Variants in DNAH12 observed in about 807,000 individuals in gnomAD.
The protein encoded by DNAH12 is dynein axonemal heavy chain 12, also known as axonemal beta dynein heavy chain 12.
A neutral mutation model predicts 371.5 loss-of-function variants in DNAH12; 285 were observed. The ratio of observed to expected loss-of-function variants is 0.77; its 90% CI spans 0.70 to 0.85. DNAH12 has a LOEUF of 0.85. DNAH12 is among the 40% of genes least tolerant of loss of function. The pLI, the probability that DNAH12 is intolerant of heterozygous loss-of-function variation, is 0.00. For synonymous variants in DNAH12, 1,200 were observed against 1,213.0 expected, an observed-to-expected ratio of 0.99 and a Z score of 0.22; for missense variants, 3,611 against 3,689.4, an observed-to-expected ratio of 0.98 and a Z score of 0.55.
intron 16 of DNAH12, among the ~76,000 whole-genome samples, chr3:57,469,384 G>C: frequency 6.6e-6 from 1 of 152,174 alleles, no homozygotes; most frequent in East Asian, 1.9e-4. Context: ...CTATTGATGG[G>C]ACTGTAAATT....
At chr3:57,356,880 T>C (rs2062813527) in intron 59 of DNAH12, among the ~76,000 whole-genome samples, 1 of 151,936 alleles carries the variant, frequency 6.6e-6, no homozygotes. Context: ...GTAGCTGGGA[T>C]TACAGGTGCC....
At position 57,542,838 on chromosome 3, in the gene DNAH12, T is replaced by A; in HGVS notation, c.33A>T (p.Ala11=). The change falls in exon 2 of 74, where the codon GCA becomes GCT. Residue 11 remains alanine (A), a synonymous_variant. Coordinates refer to ENST00000495027, the MANE Select transcript of DNAH12 (RefSeq NM_001366028.2). MSDANKAAIA[A]EKEALNLKLP... ...ACTTCAAGTTCAGAGCTTCCTTTTCTGCTGCAATGGCAGCTTTGTTTGCAT... is the reference window on the plus strand; with the variant it reads ...ACTTCAAGTTCAGAGCTTCCTTTTCAGCTGCAATGGCAGCTTTGTTTGCAT... 1 of 1,601,092 alleles carries A rather than the reference T, an allele frequency of 6.2e-7. No individual in the cohort carries two copies. Among genetic ancestry groups the A allele is most frequent in the Non-Finnish European group, 8.5e-7 (1 of 1,176,234 alleles).
intron 70 of DNAH12, chr3:57,297,240 G>A (rs1437823170): frequency 2.2e-6 from 1 of 462,160 alleles, no homozygotes; most frequent in African/African-American, 2.0e-5. Flanking sequence ...TTCTGCAAAA[G>A]CCAAATGTAA....
intron 12 of DNAH12, among the ~76,000 whole-genome samples, chr3:57,484,766 G>A (rs2066867976): frequency 6.6e-6 from 1 of 152,112 alleles, no homozygotes; most frequent in Non-Finnish European, 1.5e-5. Context: ...CACAGAGTGG[G>A]AGAAAATATT....
At chr3:57,390,994 C>T (rs1205338568) in intron 45 of DNAH12, among the ~76,000 whole-genome samples, 1 of 152,150 alleles carries the variant, frequency 6.6e-6, no homozygotes, top group Non-Finnish European at 1.5e-5. Context: ...AAATGCCAGC[C>T]AGCTATACCA....
intron 62 of DNAH12, among the ~76,000 whole-genome samples, chr3:57,333,956 C>T (rs1487675098): frequency 1.3e-5 from 2 of 152,044 alleles, no homozygotes; most frequent in African/African-American, 4.8e-5. Flanking sequence ...CTGTGTTCAA[C>T]TATTTAAAAG....
chr3:57,488,474 G>A (rs780508050), intron 12 of DNAH12, among the ~76,000 whole-genome samples: 4 of 152,128 alleles, frequency 2.6e-5, no homozygotes, highest in Non-Finnish European at 5.9e-5. Flanking sequence ...TTACAGGCAT[G>A]AGCCACCGTG....
At position 57,325,865 on chromosome 3, in the gene DNAH12, G is replaced by C. The variant is rs147280209; in HGVS notation, c.9979-2246C>G. ...TAATTAGAACAACCAATACAGAGAA[G>C]TGCTTAAAGGAGCTGATGGAGCTGA... On this transcript the variant is annotated intron_variant, in intron 62 of 73. Coordinates refer to ENST00000495027, the MANE Select transcript of DNAH12 (RefSeq NM_001366028.2). 1.8e-4 allele frequency among the ~76,000 whole-genome samples: 28 copies of C among 152,318 alleles called. No individual in the cohort carries two copies. In the East Asian group the frequency reaches 5.2e-3, roughly 28 times the overall value.
Position 57,446,022 on chromosome 3 carries a change from T to C in DNAH12, c.4179+9A>G. On this transcript the variant is annotated intron_variant, in intron 27 of 73. Coordinates refer to ENST00000495027, the MANE Select transcript of DNAH12 (RefSeq NM_001366028.2). ...ATAAATAAATAAATAAATAAATAAA[T>C]AATATTACCTTAAGATTGTCCGGCA... 3.1e-6 allele frequency: 1 copy of C among 323,888 alleles called. No individual in the cohort carries two copies. The highest frequency in any genetic ancestry group is 1.1e-4 in the South Asian group (1 of 8,796). 20.1% of individuals were successfully genotyped at this position (323,888 alleles called of 1,614,324 possible). A position where few individuals can be genotyped will look rare whatever the true frequency, so the allele number is the denominator to read the frequency against.
At position 57,427,424 on chromosome 3, in the gene DNAH12, T is replaced by A. The variant is rs575704295; in HGVS notation, c.5253+1209A>T. ...AAGATTGGCCGGATGCGGTTGCTCA[T>A]GCCTGTAATCCCAGAACTTTGGGAG... On this transcript the variant is annotated intron_variant, in intron 34 of 73. Coordinates refer to ENST00000495027, the MANE Select transcript of DNAH12 (RefSeq NM_001366028.2). Among the ~76,000 whole-genome samples, 103 of 151,896 alleles carry A rather than the reference T, an allele frequency of 6.8e-4. 1 individual carries two copies. Among genetic ancestry groups the A allele is most frequent in the Middle Eastern group, 3.5e-3 (1 of 288 alleles).
intron 39 of DNAH12, among the ~76,000 whole-genome samples, chr3:57,410,917 A>G (rs1299871128): frequency 7.9e-5 from 12 of 152,098 alleles, no homozygotes; most frequent in Non-Finnish European, 1.6e-4. Context: ...AGCTAACATC[A>G]TACTTAATGG....
At chr3:57,479,621 C>G (rs1488569155) in intron 13 of DNAH12, among the ~76,000 whole-genome samples, 1 of 152,150 alleles carries the variant, frequency 6.6e-6, no homozygotes, top group Non-Finnish European at 1.5e-5. Flanking sequence ...AATATACATT[C>G]TTCTCAGCAC....
intron 43 of DNAH12, among the ~76,000 whole-genome samples, chr3:57,399,150 C>T (rs1429096964): frequency 6.6e-6 from 1 of 151,338 alleles, no homozygotes; most frequent in Admixed American, 6.6e-5. Flanking sequence ...TAATGGTTAA[C>T]TACAAAGAAA....
At chr3:57,446,719 T>C in intron 25 of DNAH12, 30 bp from the exon 26 acceptor site, 1 of 1,452,192 alleles carries the variant, frequency 6.9e-7, no homozygotes, top group Non-Finnish European at 9.1e-7. Context: ...TGAAAAGAAA[T>C]CCATGCTTAA....
Position 57,428,685 on chromosome 3 carries a change from A to T in DNAH12, c.5201T>A (p.Leu1734His), listed in dbSNP as rs1312116922. 1 of 1,549,960 alleles carries T rather than the reference A, an allele frequency of 6.5e-7. No individual in the cohort carries two copies. The highest frequency in any genetic ancestry group is 8.7e-7 in the Non-Finnish European group (1 of 1,146,652). ...EPEYQALLRGLFAWLIPPSLN... is the reference protein window; with the variant it reads ...EPEYQALLRGHFAWLIPPSLN... Reference sequence around the variant, plus strand: ...AGAGGGTGGTATTAACCAGGCAAAAAGTCCTCTCAGAAGAGCTTGATATTC... The same window carrying T: ...AGAGGGTGGTATTAACCAGGCAAAATGTCCTCTCAGAAGAGCTTGATATTC... The change falls in exon 34 of 74, where the codon CTT (leucine) becomes CAT (histidine). Residue 1734 changes from leucine to histidine, a missense_variant. Physicochemically the swap from Leu to His is moderately conservative, Grantham distance 99 (BLOSUM62 -3). Transcript: ENST00000495027.
At chr3:57,456,577 T>G (rs768836150) in intron 22 of DNAH12, among the ~76,000 whole-genome samples, 6 of 152,306 alleles carry the variant, frequency 3.9e-5, no homozygotes, top group Middle Eastern at 3.4e-3. Context: ...CATTTGAGTT[T>G]TTAAGTAGTT....
At chr3:57,325,187 A>G (rs2061909719) in intron 62 of DNAH12, among the ~76,000 whole-genome samples, 1 of 152,218 alleles carries the variant, frequency 6.6e-6, no homozygotes, top group African/African-American at 2.4e-5. Context: ...GCAGACTTAA[A>G]TGTCCCTGTC....
rs2063631898 is a variant in DNAH12, at chr3:57,391,931, G to A, written c.7246C>T (p.Arg2416Ter). Residue 2416 changes from arginine (R) to a stop codon, truncating the protein, a stop_gained, in exon 45 of 74, where the codon CGA (arginine) becomes TGA (stop). Transcript: ENST00000495027. LOFTEE classifies it high-confidence loss of function. ...GATGGGAACTGTCTCAAGCGATTTC[G>A]AAAGGCATCTCCAATGGGGCTAAAG... ...VAFSPIGDAF[R>*]NRLRQFPSLI... 2 of 152,862 alleles carry A rather than the reference G, an allele frequency of 1.3e-5. No individual in the cohort carries two copies. The highest frequency in any genetic ancestry group is 2.4e-5 in the African/African-American group (1 of 41,468). The allele number at this position is 152,862 out of a possible 1,614,324, so 9.5% of individuals were successfully genotyped here.
At chr3:57,378,941 G>A (rs2063333802) in intron 52 of DNAH12, among the ~76,000 whole-genome samples, 1 of 152,108 alleles carries the variant, frequency 6.6e-6, no homozygotes, top group Non-Finnish European at 1.5e-5. Flanking sequence ...CCCTGCTCCT[G>A]CATCACTACC....
Sources: allele counts gnomAD v4.1 joint callset (sites outside exome capture counted in the v4.1 genomes callset), GRCh38; gene constraint gnomAD v4.1.1; transcripts MANE v1.5; gene names NCBI Gene and HGNC (gene_info 2026-07-23, HGNC 2026-07-21).